The following SGK2 variants were observed in gnomAD, a reference collection of about 807,000 sequenced individuals.
SGK2 encodes the protein serine/threonine-protein kinase Sgk2.
SGK2 carries 36 observed loss-of-function variants against 47.5 expected under a neutral mutation model. The ratio of observed to expected loss-of-function variants is 0.76; its 90% CI spans 0.58 to 1.00. SGK2 has a LOEUF of 1.00. SGK2 is among the 50% of genes least tolerant of loss of function. SGK2 has a pLI of 0.00. For missense variants in SGK2, 404 were observed against 467.4 expected (o/e 0.86, Z 1.25); for synonymous variants, 157 against 181.9 (o/e 0.86, Z 1.10).
chr20:43,562,911 T>C (rs1464068415), intron 1 of SGK2, among the ~76,000 whole-genome samples: 2 of 151,796 alleles, frequency 1.3e-5, no homozygotes, highest in Non-Finnish European at 2.9e-5. Context: ...GGCAGGCAGA[T>C]CACTTGAGGT....
intron 1 of SGK2, among the ~76,000 whole-genome samples, chr20:43,561,287 G>C (rs1268006146): frequency 6.6e-6 from 1 of 152,166 alleles, no homozygotes; most frequent in Non-Finnish European, 1.5e-5. Flanking sequence ...AAGGAGAGAG[G>C]CTGAGGGCAG....
In SGK2 at chr20:43,562,172, G is replaced by C. The variant is rs138837434; in HGVS notation, c.-24+3013G>C. On this transcript the variant is annotated intron_variant, in intron 1 of 12. Transcript: ENST00000373100. ...GTCACGCCTGTAATCCCAGCAATTT[G>C]GGAGGCCGAGGCAGGAGGATTGCTT... is the stretch of plus-strand genomic sequence containing the variant. Among the ~76,000 whole-genome samples the C allele has an allele frequency of 1.8e-3, 277 of 152,060 alleles. 2 individuals carry two copies. The highest frequency in any genetic ancestry group is 6.4e-3 in the African/African-American group (264 of 41,496).
intron 5 of SGK2, 148 bp downstream of exon 5, chr20:43,568,147 A>T: frequency 1.6e-6 from 1 of 636,258 alleles, no homozygotes. Flanking sequence ...GGTGGTACGC[A>T]GGATGCTGGC....
At chr20:43,576,978 A>G (rs2145553290) in intron 11 of SGK2, among the ~76,000 whole-genome samples, 1 of 152,342 alleles carries the variant, frequency 6.6e-6, no homozygotes, top group South Asian at 2.1e-4. Flanking sequence ...GATTGGGGGC[A>G]GGCAAAAAAC....
rs1979488660 is a variant in SGK2 at position 43,563,094 on chromosome 20, C to T, written c.-23-3379C>T. ...GAGGTTGCAATGAGTTGAGATAGCA[C>T]CACTGCACTCCAGCCTGGGTGACAG... is the stretch of plus-strand genomic sequence containing the variant. On this transcript the variant is annotated intron_variant, in intron 1 of 12. Coordinates refer to ENST00000373100, the MANE Select transcript of SGK2 (RefSeq NM_170693.3). Among the ~76,000 whole-genome samples, 3 of 147,898 alleles carry T rather than the reference C, an allele frequency of 2.0e-5. No homozygotes were observed. The South Asian group carries it at 6.4e-4, about 31-fold the overall frequency.
chr20:43,576,896 C>T (rs1387035014), intron 11 of SGK2, among the ~76,000 whole-genome samples: 1 of 152,178 alleles, frequency 6.6e-6, no homozygotes, highest in African/African-American at 2.4e-5. Context: ...GATCTGAGAT[C>T]GTGCCATTGC....
intron 12 of SGK2, among the ~76,000 whole-genome samples, chr20:43,580,578 A>G (rs535714001): frequency 5.3e-5 from 8 of 151,918 alleles, no homozygotes; most frequent in Non-Finnish European, 1.0e-4. Flanking sequence ...AAATACAAAA[A>G]TTAGCCAGAC....
chr20:43,566,941 A>G (rs970932863), intron 2 of SGK2, 127 bp from the exon 3 acceptor site: 1 of 721,164 alleles, frequency 1.4e-6, no homozygotes, highest in African/African-American at 1.8e-5. Context: ...GCAGGTGAAA[A>G]AAAAAGAAAA....
chr20:43,577,779 G>C (rs1980556226), intron 11 of SGK2, among the ~76,000 whole-genome samples: 1 of 151,826 alleles, frequency 6.6e-6, no homozygotes, highest in Non-Finnish European at 1.5e-5. Context: ...GAGTAGCTGG[G>C]ACTACAGGCA....
intron 11 of SGK2, among the ~76,000 whole-genome samples, chr20:43,576,656 G>C (rs1012682757): frequency 1.7e-4 from 26 of 152,212 alleles, no homozygotes; most frequent in African/African-American, 6.3e-4. Context: ...AGTTTGGGGT[G>C]GGGGCCGGGT....
intron 9 of SGK2, 69 bp from the exon 10 acceptor site, chr20:43,574,840 G>A: frequency 8.8e-7 from 1 of 1,141,068 alleles, no homozygotes; most frequent in Non-Finnish European, 1.3e-6. Context: ...TCCTCCAAGT[G>A]CCTTATTTAC....
At chr20:43,574,482 A>G (rs937920492) in intron 9 of SGK2, among the ~76,000 whole-genome samples, 1 of 152,258 alleles carries the variant, frequency 6.6e-6, no homozygotes, top group Admixed American at 6.5e-5. Context: ...ACGGATAGCC[A>G]GTTGAATGCC....
chr20:43,567,989 A>G lies in SGK2; in HGVS notation c.218A>G (p.Lys73Arg). ...VKVLQKKSIL[K>R]KKEQSHIMAE... ...GTACTACAGAAAAAGTCCATCTTAA[A>G]GAAGAAAGAGGTACCAGAGCTCGGG... is the stretch of plus-strand genomic sequence containing the variant. Residue 73 changes from lysine (K) to arginine (R), a missense_variant, in exon 5 of 13, where the codon AAG becomes AGG. Lys to Arg is a conservative substitution (Grantham distance 26). Coordinates refer to ENST00000373100, the MANE Select transcript of SGK2 (RefSeq NM_170693.3). The G allele has an allele frequency of 6.2e-7, 1 of 1,613,914 alleles. No individual in the cohort carries two copies. The highest frequency in any genetic ancestry group is 8.5e-7 in the Non-Finnish European group (1 of 1,179,862).
intron 12 of SGK2, chr20:43,583,239 A>G (rs1308400287): frequency 1.6e-6 from 2 of 1,289,846 alleles, no homozygotes; most frequent in East Asian, 5.5e-5. Context: ...TTAAAAAGAC[A>G]GTGAAGATAA....
chr20:43,564,765 C>T (rs1312961970), intron 1 of SGK2: 1 of 152,646 alleles, frequency 6.6e-6, no homozygotes, highest in Non-Finnish European at 1.5e-5. Flanking sequence ...TACAGTGACA[C>T]ACACAGTCAC....
chr20:43,571,265 T>G (rs944840079), intron 8 of SGK2, among the ~76,000 whole-genome samples: 2 of 152,228 alleles, frequency 1.3e-5, no homozygotes, highest in Non-Finnish European at 2.9e-5. Flanking sequence ...TACATGTATA[T>G]GTGTGCATGC....
chr20:43,561,914 A>G (rs1462319347), intron 1 of SGK2, among the ~76,000 whole-genome samples: 2 of 152,114 alleles, frequency 1.3e-5, no homozygotes, highest in Non-Finnish European at 2.9e-5. Context: ...GTGAGCAGCA[A>G]TGGTTTCTGG....
intron 1 of SGK2, among the ~76,000 whole-genome samples, chr20:43,560,864 A>G (rs577415140): frequency 2.6e-5 from 4 of 152,380 alleles, no homozygotes. Context: ...TGAGGATTCA[A>G]TAGTTGAACA....
At chr20:43,562,742 A>AAAAT (rs1295984781) in intron 1 of SGK2, among the ~76,000 whole-genome samples, 25 of 152,234 alleles carry the variant, frequency 1.6e-4, no homozygotes, top group Admixed American at 6.5e-5. Flanking sequence ...TCTTTCTTAA[A>AAAAT]AAATAAATAA....
Sources: allele counts gnomAD v4.1 joint callset (sites outside exome capture counted in the v4.1 genomes callset), GRCh38; gene constraint gnomAD v4.1.1; transcripts MANE v1.5; gene names NCBI Gene and HGNC (gene_info 2026-07-23, HGNC 2026-07-21).